SLC44A5: variants seen among roughly 807,000 people sequenced by gnomAD.
SLC44A5 encodes the protein choline transporter-like protein 5.
Under a neutral mutation model 101.8 loss-of-function variants are expected in SLC44A5, and 57 were observed. That is an observed-to-expected ratio of 0.56 (90% CI 0.45 to 0.70). The LOEUF (loss-of-function observed/expected upper bound fraction) is 0.70. SLC44A5 is among the 30% of genes least tolerant of loss of function. The pLI, the probability that SLC44A5 is intolerant of heterozygous loss-of-function variation, is 0.00. For synonymous variants in SLC44A5, 281 were observed against 290.9 expected, an observed-to-expected ratio of 0.97 and a Z score of 0.35; for missense variants, 737 against 853.1, an observed-to-expected ratio of 0.86 and a Z score of 1.70.
At chr1:75,310,740 T>C (rs1359924523) in intron 4 of SLC44A5, among the ~76,000 whole-genome samples, 2 of 152,122 alleles carry the variant, frequency 1.3e-5, no homozygotes, top group African/African-American at 4.8e-5. Context: ...TAAATAGAAA[T>C]ATAAAACTGA....
chr1:75,619,859 T>C, the SLC44A5 span, among the ~76,000 whole-genome samples: 1 of 152,220 alleles, frequency 6.6e-6, no homozygotes, highest in African/African-American at 2.4e-5. Flanking sequence ...ATACTTTAAG[T>C]TCTGGGATAC....
intron 2 of SLC44A5, among the ~76,000 whole-genome samples, chr1:75,475,673 C>T (rs1425670505): frequency 6.6e-6 from 1 of 152,174 alleles, no homozygotes; most frequent in Non-Finnish European, 1.5e-5. Flanking sequence ...AGAGAATACC[C>T]ATAATGGAAA....
chr1:75,697,584 C>T, the SLC44A5 span, among the ~76,000 whole-genome samples: 1 of 152,048 alleles, frequency 6.6e-6, no homozygotes, highest in East Asian at 1.9e-4. Flanking sequence ...CTTAGGAGTT[C>T]GAGACCAGCC....
At chr1:75,348,974 G>A (rs1180294108) in intron 3 of SLC44A5, among the ~76,000 whole-genome samples, 1 of 152,188 alleles carries the variant, frequency 6.6e-6, no homozygotes, top group Non-Finnish European at 1.5e-5. Context: ...CAGCTGAAGA[G>A]ACAATTAGCA....
At chr1:75,694,152 C>T in the SLC44A5 span, among the ~76,000 whole-genome samples, 6 of 151,304 alleles carry the variant, frequency 4.0e-5, no homozygotes, top group Non-Finnish European at 8.8e-5. Flanking sequence ...ATAAGAATTA[C>T]TAAAGTAATA....
chr1:75,657,140 CTCTT>C, the SLC44A5 span, among the ~76,000 whole-genome samples: 1 of 151,996 alleles, frequency 6.6e-6, no homozygotes, highest in Non-Finnish European at 1.5e-5. Flanking sequence ...CAGAATGAGA[CTCTT>C]TCTCAAAAAA....
chr1:75,526,163 C>T (rs1419020684), intron 2 of SLC44A5, among the ~76,000 whole-genome samples: 1 of 152,106 alleles, frequency 6.6e-6, no homozygotes, highest in Non-Finnish European at 1.5e-5. Context: ...CTATGGGTCT[C>T]GTCACTTCCT....
chr1:75,438,859 CT>C lies in SLC44A5; in HGVS notation c.14-42239del, dbSNP rs529760705. On this transcript the variant is annotated intron_variant, in intron 2 of 23. Coordinates refer to ENST00000370859, the MANE Select transcript of SLC44A5 (RefSeq NM_001130058.2). ...ACCGAAACAAATGATAGATTTAGAT[CT>C]CTTCAAAGACTTCAGATATTGAAAT... Among the ~76,000 whole-genome samples, 308 of 152,234 alleles carry C rather than the reference CT, an allele frequency of 2.0e-3. 2 individuals are homozygous for C. Among genetic ancestry groups the C allele is most frequent in the Non-Finnish European group, 2.1e-3 (141 of 68,006 alleles).
chr1:75,451,835 C>G (rs906871484), intron 2 of SLC44A5, among the ~76,000 whole-genome samples: 2 of 151,954 alleles, frequency 1.3e-5, no homozygotes, highest in African/African-American at 2.4e-5. Flanking sequence ...TAAACAAAGT[C>G]TTCAAAAAAT....
the SLC44A5 span, among the ~76,000 whole-genome samples, chr1:75,654,091 G>A: frequency 6.6e-6 from 1 of 152,004 alleles, no homozygotes; most frequent in Non-Finnish European, 1.5e-5. Flanking sequence ...TAATTTTCTG[G>A]TTAAATTATA....
At chr1:75,259,648 G>A (rs1036545918) in intron 6 of SLC44A5, among the ~76,000 whole-genome samples, 2 of 152,204 alleles carry the variant, frequency 1.3e-5, no homozygotes, top group East Asian at 3.9e-4. Flanking sequence ...TAGCAAGGCA[G>A]GCCAATATTC....
chr1:75,458,012 A>G (rs1666284599), intron 2 of SLC44A5, among the ~76,000 whole-genome samples: 1 of 152,216 alleles, frequency 6.6e-6, no homozygotes, highest in Non-Finnish European at 1.5e-5. Context: ...CAATAAGTTT[A>G]CAATCTTGTA....
At chr1:75,633,538 T>A in the SLC44A5 span, among the ~76,000 whole-genome samples, 2 of 152,166 alleles carry the variant, frequency 1.3e-5, no homozygotes, top group Admixed American at 6.5e-5. Context: ...TATTGGTGTA[T>A]AAGAATGCTT....
intron 4 of SLC44A5, among the ~76,000 whole-genome samples, chr1:75,328,268 G>T (rs897485945): frequency 6.6e-6 from 1 of 152,190 alleles, no homozygotes; most frequent in East Asian, 1.9e-4. Context: ...CCATTTAGCA[G>T]CAAGACAGCC....
intron 4 of SLC44A5, among the ~76,000 whole-genome samples, chr1:75,337,720 T>C (rs1365686570): frequency 1.3e-5 from 2 of 152,166 alleles, no homozygotes; most frequent in Admixed American, 6.6e-5. Flanking sequence ...GACACTGAGT[T>C]CACCTCTCCT....
intron 1 of SLC44A5, among the ~76,000 whole-genome samples, chr1:75,550,830 G>A (rs946722252): frequency 2.0e-5 from 3 of 151,960 alleles, no homozygotes; most frequent in Non-Finnish European, 4.4e-5. Flanking sequence ...GAAATGAAGG[G>A]CTTAGCTTTG....
chr1:75,622,613 C>T, the SLC44A5 span, among the ~76,000 whole-genome samples: 10 of 152,124 alleles, frequency 6.6e-5, no homozygotes, highest in East Asian at 1.9e-3. Context: ...ACAGACCTGG[C>T]TTGAGTGAGA....
intron 2 of SLC44A5, among the ~76,000 whole-genome samples, chr1:75,505,957 A>T (rs957919211): frequency 6.6e-6 from 1 of 151,952 alleles, no homozygotes; most frequent in Non-Finnish European, 1.5e-5. Context: ...ATTTCCTAGA[A>T]TTTTTTCTAG....
intron 3 of SLC44A5, among the ~76,000 whole-genome samples, chr1:75,341,667 G>A (rs772759670): frequency 6.6e-6 from 1 of 152,106 alleles, no homozygotes; most frequent in Non-Finnish European, 1.5e-5. Flanking sequence ...GGCGGGTCAC[G>A]AATGAACAGG....
Sources: gnomAD v4.1 joint callset for allele counts (sites outside exome capture counted in the v4.1 genomes callset) on GRCh38, gnomAD v4.1.1 for gene constraint, MANE v1.5 for transcripts, NCBI Gene and HGNC (gene_info 2026-07-23, HGNC 2026-07-21) for gene names.